CRELD1: variants seen among roughly 807,000 people sequenced by gnomAD.
The protein encoded by CRELD1 is CRELD disulfide isomerase 1.
In CRELD1, 42 loss-of-function variants were observed where a neutral mutation model predicts 58.2. The observed-to-expected ratio is 0.72, with a 90% CI of 0.56 to 0.93. CRELD1 has a LOEUF of 0.93. Ranked by LOEUF, CRELD1 falls within the 40% of genes least tolerant of loss-of-function variation. CRELD1 has a pLI of 0.00. For synonymous variants in CRELD1, 222 were observed against 202.0 expected (o/e 1.10, Z -0.84); for missense variants, 500 against 540.6 (o/e 0.92, Z 0.74).
chr3:9,938,268 C>T lies in CRELD1; in HGVS notation c.460+162C>T. The T allele has an allele frequency of 6.0e-6, 4 of 663,810 alleles. No individual in the cohort carries two copies. In the South Asian group the frequency reaches 6.5e-5, roughly 11 times the overall value. The allele number at this position is 663,810 out of a possible 1,614,324, so 41.1% of individuals were successfully genotyped here. ...GACAGGGCTGGGGAGATGGGCAAAT[C>T]AGTGGGGAAAGGCTTGGAGAAAGCA... On this transcript the variant is annotated intron_variant, in intron 5 of 10. Coordinates refer to ENST00000452070, the MANE Select transcript of CRELD1 (RefSeq NM_001077415.3).
At chr3:9,936,360 G>A (rs2085191898) in intron 3 of CRELD1, 1 of 152,090 alleles carries the variant, frequency 6.6e-6, no homozygotes, top group Non-Finnish European at 1.5e-5. Context: ...GCTTTGTAAT[G>A]GCTCCTGCGT....
intron 10 of CRELD1, 96 bp from the exon 11 acceptor site, chr3:9,944,269 C>A: frequency 8.8e-7 from 1 of 1,140,032 alleles, no homozygotes; most frequent in Non-Finnish European, 1.3e-6. Context: ...GGCCTGGTGG[C>A]CATGATGATC....
intron 5 of CRELD1, 55 bp downstream of exon 5, chr3:9,938,161 C>T: frequency 7.5e-7 from 1 of 1,337,566 alleles, no homozygotes; most frequent in Non-Finnish European, 1.1e-6. Context: ...TCCAGGGATC[C>T]AGTCCTGGCT....
At chr3:9,936,521 CTGCGTATATATATG>C (rs1457959418) in intron 3 of CRELD1, among the ~76,000 whole-genome samples, 5 of 140,610 alleles carry the variant, frequency 3.6e-5, no homozygotes, top group East Asian at 2.2e-4. Context: ...GCATATATGT[CTGCGTATATATATG>C]TGCGTATATA....
At chr3:9,938,392 T>C in intron 5 of CRELD1, 2 of 420,372 alleles carry the variant, frequency 4.8e-6, no homozygotes, top group Admixed American at 7.3e-5. Context: ...GATCGGACTA[T>C]GGTACCTTCC....
rs189965273 is a variant in CRELD1 at position 9,942,923 on chromosome 3, G to C, written c.817+27G>C. ...TCAGTGTCTACTTCTGCAGAGGAGG[G>C]GACGTGAGGAGTGGAGGAAGAGCTG... On this transcript the variant is annotated intron_variant, in intron 8 of 10. Transcript: ENST00000452070. 2.0e-3 allele frequency: 3,235 copies of C among 1,597,238 alleles called. 17 individuals are homozygous for C. The highest frequency in any genetic ancestry group is 1.6e-3 in the Non-Finnish European group (1,910 of 1,164,678).
intron 10 of CRELD1, 137 bp downstream of exon 10, chr3:9,943,652 C>T (rs997133858): frequency 8.3e-6 from 13 of 1,567,106 alleles, no homozygotes; most frequent in African/African-American, 8.1e-5. Context: ...GCACTGAGAC[C>T]GGGCTCTACA....
In CRELD1 at chr3:9,934,881, C is replaced by A; in HGVS notation, c.221C>A (p.Ala74Asp). Residue 74 changes from alanine to aspartate, a missense_variant, in exon 3 of 11, where the codon GCC (alanine) becomes GAC (aspartate). Ala to Asp is a moderately radical substitution (Grantham distance 126). Transcript: ENST00000452070. ...GACAACTTTGGAGGTGGAAACACTGCCTGGGAGGAAGAGAATTTGTCCAAA... is the reference window on the plus strand; with the variant it reads ...GACAACTTTGGAGGTGGAAACACTGACTGGGAGGAAGAGAATTTGTCCAAA... ...IRDNFGGGNT[A>D]WEEENLSKYK... 1 of 1,612,932 alleles carries A rather than the reference C, an allele frequency of 6.2e-7. No individual in the cohort carries two copies. Among genetic ancestry groups the A allele is most frequent in the Non-Finnish European group, 8.5e-7 (1 of 1,179,554 alleles).
intron 10 of CRELD1, 127 bp downstream of exon 10, chr3:9,943,642 G>T: frequency 1.9e-6 from 3 of 1,577,166 alleles, no homozygotes; most frequent in Non-Finnish European, 2.6e-6. Flanking sequence ...CCTGGAGGCT[G>T]CACTGAGACC....
At chr3:9,940,778 A>C in intron 5 of CRELD1, 72 bp from the exon 6 acceptor site, 1 of 1,275,932 alleles carries the variant, frequency 7.8e-7, no homozygotes, top group Non-Finnish European at 1.1e-6. Flanking sequence ...AGGGAGAGGG[A>C]GAGGGAGAAA....
intron 4 of CRELD1, 76 bp from the exon 5 acceptor site, chr3:9,937,938 TG>T: frequency 9.5e-7 from 1 of 1,053,318 alleles, no homozygotes; most frequent in Non-Finnish European, 1.5e-6. Context: ...GATTCAGGCA[TG>T]GGGGAATGGG....
At chr3:9,939,425 G>A (rs1352374745) in intron 5 of CRELD1, among the ~76,000 whole-genome samples, 1 of 152,172 alleles carries the variant, frequency 6.6e-6, no homozygotes, top group East Asian at 1.9e-4. Flanking sequence ...GGGAAGGTCA[G>A]CAGATAAACA....
chr3:9,944,262 C>T, intron 10 of CRELD1, 103 bp from the exon 11 acceptor site: 4 of 1,079,648 alleles, frequency 3.7e-6, no homozygotes, highest in Non-Finnish European at 5.7e-6. Context: ...CTGGGCAGGC[C>T]TGGTGGCCAT....
intron 7 of CRELD1, among the ~76,000 whole-genome samples, chr3:9,941,970 G>A (rs2085381743): frequency 6.6e-6 from 1 of 151,930 alleles, no homozygotes; most frequent in Admixed American, 6.6e-5. Flanking sequence ...GTGGCTTAAA[G>A]AGTATAGAGG....
In CRELD1 at chr3:9,943,181, C is replaced by T; in HGVS notation, c.913+9C>T. On this transcript the variant is annotated intron_variant, in intron 9 of 10. Transcript: ENST00000452070. ...GGGCTCCAAGTGTCTCGGTGAGTCT[C>T]CTGCTGATGGGACACAGGCACCTGG... 1 of 1,610,962 alleles carries T rather than the reference C, an allele frequency of 6.2e-7. No individual in the cohort carries two copies. Among genetic ancestry groups the T allele is most frequent in the South Asian group, 1.1e-5 (1 of 91,046 alleles).
At chr3:9,937,986 C>T (rs1397536294) in intron 4 of CRELD1, 29 bp from the exon 5 acceptor site, 1 of 1,528,280 alleles carries the variant, frequency 6.5e-7, no homozygotes, top group Non-Finnish European at 9.1e-7. Context: ...ACCTCCTCCC[C>T]ACCTCCCTCC....
chr3:9,937,739 G>T lies in CRELD1; in HGVS notation c.368+67G>T, dbSNP rs2302785. On this transcript the variant is annotated intron_variant, in intron 4 of 10. Transcript: ENST00000452070. Reference sequence around the variant, plus strand: ...AGGCCTGGTGATAAGGCCTGATTTGGCCGAGAAGCAGGGGGGTGCATGCTG... The same window carrying T: ...AGGCCTGGTGATAAGGCCTGATTTGTCCGAGAAGCAGGGGGGTGCATGCTG... 7,726 of 1,174,164 alleles carry T rather than the reference G, an allele frequency of 6.6e-3. 116 individuals are homozygous for T. The highest frequency in any genetic ancestry group is 0.064 in the East Asian group (2,588 of 40,582). 72.7% of individuals were successfully genotyped at this position (1,174,164 alleles called of 1,614,324 possible).
intron 5 of CRELD1, 134 bp downstream of exon 5, chr3:9,938,240 C>A: frequency 1.4e-6 from 1 of 730,006 alleles, no homozygotes; most frequent in Non-Finnish European, 2.4e-6. Flanking sequence ...TTCTTGCCTG[C>A]CTGACAGGGC....
At chr3:9,939,177 AAAT>A (rs2124838208) in intron 5 of CRELD1, among the ~76,000 whole-genome samples, 1 of 132,696 alleles carries the variant, frequency 7.5e-6, no homozygotes, top group South Asian at 2.4e-4. Flanking sequence ...ATAAATAAAT[AAAT>A]AAATAAAAGG....
Sources: allele counts gnomAD v4.1 joint callset (sites outside exome capture counted in the v4.1 genomes callset), GRCh38; gene constraint gnomAD v4.1.1; transcripts MANE v1.5; gene names NCBI Gene and HGNC (gene_info 2026-07-23, HGNC 2026-07-21).